Variants in POU2F3 observed in about 807,000 individuals in gnomAD.
POU2F3 encodes POU class 2 homeobox 3.
In POU2F3, 23 loss-of-function variants were observed where a neutral mutation model predicts 59.2. That is an observed-to-expected ratio of 0.39 (90% CI 0.28 to 0.55). The LOEUF is 0.55. Ranked by LOEUF, POU2F3 falls within the 20% of genes least tolerant of loss-of-function variation. POU2F3 has a pLI of 0.66. For synonymous variants in POU2F3, 190 were observed against 214.6 expected (o/e 0.89, Z 1.00); for missense variants, 473 against 544.5 (o/e 0.87, Z 1.31).
At chr11:120,306,043 C>T (rs146318568) in intron 8 of POU2F3, among the ~76,000 whole-genome samples, 44 of 152,306 alleles carry the variant, frequency 2.9e-4, no homozygotes, top group Non-Finnish European at 5.4e-4. Context: ...ATTCCTACCC[C>T]ATCCCACCCA....
chr11:120,261,820 G>T (rs1939613588), intron 2 of POU2F3, among the ~76,000 whole-genome samples: 1 of 152,192 alleles, frequency 6.6e-6, no homozygotes, highest in Non-Finnish European at 1.5e-5. Context: ...AATTTGGGAG[G>T]TCACTTGAGA....
At chr11:120,238,327 G>A (rs1291420974), upstream of POU2F3, among the ~76,000 whole-genome samples, 1 of 152,148 alleles carries the variant, frequency 6.6e-6, no homozygotes, top group African/African-American at 2.4e-5. Flanking sequence ...ATGTGACTGG[G>A]GAGGGTGGTG....
chr11:120,252,092 C>A, intron 2 of POU2F3, among the ~76,000 whole-genome samples: 1 of 151,802 alleles, frequency 6.6e-6, no homozygotes. Context: ...CCGCGCCTGG[C>A]CTTGGCTGCC....
chr11:120,309,385 C>A, intron 9 of POU2F3, 40 bp from the exon 10 acceptor site: 1 of 1,554,128 alleles, frequency 6.4e-7, no homozygotes, highest in Non-Finnish European at 8.9e-7. Context: ...GCCCCTGATT[C>A]CCTTCTCTTG....
intron 3 of POU2F3, among the ~76,000 whole-genome samples, chr11:120,277,911 G>T (rs1214546454): frequency 6.6e-6 from 1 of 152,182 alleles, no homozygotes; most frequent in Non-Finnish European, 1.5e-5. Context: ...TCCCCTAAAA[G>T]GTTTAATGAG....
intron 3 of POU2F3, among the ~76,000 whole-genome samples, chr11:120,297,129 A>C (rs1025948898): frequency 6.6e-6 from 1 of 152,202 alleles, no homozygotes; most frequent in East Asian, 1.9e-4. Flanking sequence ...GGTCTCCCCA[A>C]TATCTCTTAT....
intron 3 of POU2F3, among the ~76,000 whole-genome samples, chr11:120,289,748 G>C (rs972131884): frequency 6.6e-6 from 1 of 152,176 alleles, no homozygotes; most frequent in Non-Finnish European, 1.5e-5. Context: ...CTTCAGGGTT[G>C]CTTAGAAGGA....
intron 4 of POU2F3, 73 bp from the exon 5 acceptor site, chr11:120,299,551 G>A (rs909538565): frequency 3.9e-5 from 54 of 1,378,814 alleles, no homozygotes; most frequent in East Asian, 1.6e-4. Flanking sequence ...TGGGACGGAC[G>A]AGTGGCAGGC....
At chr11:120,312,917 G>A (rs1392359445) in intron 10 of POU2F3, among the ~76,000 whole-genome samples, 1 of 152,092 alleles carries the variant, frequency 6.6e-6, no homozygotes, top group Non-Finnish European at 1.5e-5. Context: ...AGAGGTGTGA[G>A]GGCAGGGAAG....
intron 3 of POU2F3, among the ~76,000 whole-genome samples, chr11:120,271,658 C>T (rs1032746321): frequency 1.3e-5 from 2 of 152,214 alleles, no homozygotes; most frequent in African/African-American, 4.8e-5. Context: ...AAGCTTGAGA[C>T]ACACTAGTGC....
At chr11:120,295,468 G>C (rs1164179628) in intron 3 of POU2F3, among the ~76,000 whole-genome samples, 5 of 152,254 alleles carry the variant, frequency 3.3e-5, no homozygotes, top group Admixed American at 3.3e-4. Flanking sequence ...CAGATGCCTG[G>C]GGGCAGGAGG....
intron 3 of POU2F3, among the ~76,000 whole-genome samples, chr11:120,280,647 A>AGAGAGT (rs1555075261): frequency 2.6e-5 from 4 of 151,380 alleles, no homozygotes; most frequent in East Asian, 1.9e-4. Flanking sequence ...AGAGAGAGAG[A>AGAGAGT]GTGTGTTTGT....
At chr11:120,305,002 T>C in intron 6 of POU2F3, 28 bp from the exon 7 acceptor site, 1 of 1,386,892 alleles carries the variant, frequency 7.2e-7, no homozygotes, top group Non-Finnish European at 9.8e-7. Flanking sequence ...ATCTTCGTGG[T>C]GGATCTGCTT....
intron 5 of POU2F3, chr11:120,300,995 A>G (rs1317647950): frequency 2.2e-6 from 1 of 455,212 alleles, no homozygotes; most frequent in Non-Finnish European, 4.4e-6. Flanking sequence ...AATAAACATC[A>G]TACTCCTGGA....
chr11:120,301,665 C>T (rs1352278803), intron 5 of POU2F3: 2 of 152,986 alleles, frequency 1.3e-5, no homozygotes, highest in Non-Finnish European at 2.9e-5. Flanking sequence ...ATGGAGAAGC[C>T]GGTATAATAC....
chr11:120,236,720 T>C (rs892570563), upstream of POU2F3: 12 of 1,476,766 alleles, frequency 8.1e-6, no homozygotes, highest in African/African-American at 7.0e-5. Flanking sequence ...AAAGGAGTTC[T>C]CTACGTTCCC....
At chr11:120,316,397 C>T (rs1941789509) in intron 11 of POU2F3, among the ~76,000 whole-genome samples, 1 of 152,110 alleles carries the variant, frequency 6.6e-6, no homozygotes, top group African/African-American at 2.4e-5. Context: ...GCTCAGGTCC[C>T]CTCACTCCCA....
intron 10 of POU2F3, among the ~76,000 whole-genome samples, chr11:120,312,018 G>A (rs1189000357): frequency 1.3e-5 from 2 of 152,332 alleles, no homozygotes; most frequent in South Asian, 4.1e-4. Flanking sequence ...TCCCAGGAGG[G>A]TGAATATCTA....
chr11:120,236,847 C>T (rs938069464), upstream of POU2F3: 33 of 776,214 alleles, frequency 4.3e-5, no homozygotes, highest in Non-Finnish European at 6.5e-5. Context: ...GCACCCCAGC[C>T]TTCTAAGCCT....
Sources: gnomAD v4.1 joint callset for allele counts (sites outside exome capture counted in the v4.1 genomes callset) on GRCh38, gnomAD v4.1.1 for gene constraint, MANE v1.5 for transcripts, NCBI Gene and HGNC (gene_info 2026-07-23, HGNC 2026-07-21) for gene names.